C2CD4C: variants seen among roughly 807,000 people sequenced by gnomAD.
The protein encoded by C2CD4C is C2 calcium-dependent domain-containing protein 4C.
In C2CD4C, 3 loss-of-function variants were observed where a neutral mutation model predicts 4.1. The observed-to-expected ratio is 0.73, with a 90% confidence interval of 0.33 to 1.88. C2CD4C has a LOEUF of 1.88. Among genes scored for constraint, C2CD4C ranks in the 40% most tolerant of loss-of-function variants. C2CD4C has a pLI of 0.08. For missense variants in C2CD4C, 664 were observed against 621.5 expected (o/e 1.07, Z -0.73); for synonymous variants, 364 against 290.4 (o/e 1.25, Z -2.57).
Position 407,150 on chromosome 19 carries a change from G to C in C2CD4C, c.1212C>G (p.Asp404Glu). Residue 404 changes from aspartate (D) to glutamate (E), a missense_variant, in exon 2 of 2, where the codon GAC becomes GAG. Asp to Glu is a conservative substitution (Grantham distance 45). Coordinates refer to ENST00000332235, the MANE Select transcript of C2CD4C (RefSeq NM_001136263.2). ...GCAGCTCCTTCTCCCCGAGCAGCGT[G>C]TCCCGCTTGAGGCTGCTGCCCTTGT... ...VVNKGSSLKR[D>E]TLLGEKELPL... The C allele has an allele frequency of 6.5e-7, 1 of 1,550,196 alleles. No individual in the cohort carries two copies. The highest frequency in any genetic ancestry group is 8.7e-7 in the Non-Finnish European group (1 of 1,146,858).
chr19:407,066 A>T lies in C2CD4C; in HGVS notation c.*30T>A. 1 of 1,495,114 alleles carries T rather than the reference A, an allele frequency of 6.7e-7. No individual in the cohort carries two copies. The highest frequency in any genetic ancestry group is 2.6e-5 in the East Asian group (1 of 38,790). The allele number at this position is 1,495,114 out of a possible 1,614,324, so 92.6% of individuals were successfully genotyped here. On this transcript the variant is annotated 3_prime_UTR_variant, in exon 2 of 2. Transcript: ENST00000332235. Reference sequence around the variant, plus strand: ...GGAGAGACCGGGGTCTGCCCTCTGCACCCGAGCGGACAGCGAGCAGGTCCC... The same window carrying T: ...GGAGAGACCGGGGTCTGCCCTCTGCTCCCGAGCGGACAGCGAGCAGGTCCC...
intron 1 of C2CD4C, among the ~76,000 whole-genome samples, 170 bp downstream of exon 1, chr19:408,836 G>C (rs948982976): frequency 6.6e-6 from 1 of 152,086 alleles, no homozygotes. Flanking sequence ...CCCTGGACCG[G>C]AGGGCCAGGC....
In C2CD4C at chr19:406,985, T is replaced by G; in HGVS notation, c.*111A>C. On this transcript the variant is annotated 3_prime_UTR_variant, in exon 2 of 2. Coordinates refer to ENST00000332235, the MANE Select transcript of C2CD4C (RefSeq NM_001136263.2). Reference sequence around the variant, plus strand: ...CCAGCCCAGCCTGAGTGTGAGCCCCTCCCCGGCCAGCCCCAGCCCAAGCCA... The same window carrying G: ...CCAGCCCAGCCTGAGTGTGAGCCCCGCCCCGGCCAGCCCCAGCCCAAGCCA... The G allele has an allele frequency of 6.0e-4, 367 of 616,056 alleles. No individual in the cohort carries two copies. The highest frequency in any genetic ancestry group is 1.2e-3 in the East Asian group (32 of 26,024). 38.2% of individuals were successfully genotyped at this position (616,056 alleles called of 1,614,324 possible).
rs901857851 is a variant in C2CD4C, at chr19:407,374, C to T, written c.988G>A (p.Glu330Lys). ...ARLRVHLLAA[E>K]GLYDRLCDAR... Reference sequence around the variant, plus strand: ...TCGCACAGGCGGTCGTAGAGGCCCTCGGCGGCCAGCAGGTGCACCCGCAGG... The same window carrying T: ...TCGCACAGGCGGTCGTAGAGGCCCTTGGCGGCCAGCAGGTGCACCCGCAGG... The change falls in exon 2 of 2, where the codon GAG (glutamate) becomes AAG (lysine). Residue 330 changes from glutamate to lysine, a missense_variant. Coordinates refer to ENST00000332235, the MANE Select transcript of C2CD4C (RefSeq NM_001136263.2). 7 of 1,540,414 alleles carry T rather than the reference C, an allele frequency of 4.5e-6. No individual in the cohort carries two copies. The Admixed American group carries it at 9.8e-5, about 22-fold the overall frequency.
At position 406,992 on chromosome 19, in the gene C2CD4C, C is replaced by CCCCCCCCCCCCCCCCA; in HGVS notation, c.*103_*104insTGGGGGGGGGGGGGGG. On this transcript the variant is annotated 3_prime_UTR_variant, in exon 2 of 2. Transcript: ENST00000332235. ...AGCCTGAGTGTGAGCCCCTCCCCGG[C>CCCCCCCCCCCCCCCCA]CAGCCCCAGCCCAAGCCAGCGGACC... The CCCCCCCCCCCCCCCCA allele has an allele frequency of 1.2e-6, 1 of 830,840 alleles. No homozygotes were observed. The highest frequency in any genetic ancestry group is 3.2e-5 in the East Asian group (1 of 30,986). 51.5% of individuals were successfully genotyped at this position (830,840 alleles called of 1,614,324 possible).
chr19:407,086 G>A lies in C2CD4C; in HGVS notation c.*10C>T, dbSNP rs1568273798. 6 of 1,539,624 alleles carry A rather than the reference G, an allele frequency of 3.9e-6. No homozygotes were observed. Among genetic ancestry groups the A allele is most frequent in the South Asian group, 3.6e-5 (3 of 83,314 alleles). The stretch of plus-strand genomic sequence containing the variant: ...TCTGCACCCGAGCGGACAGCGAGCA[G>A]GTCCCCGCTCTACAGGAAGGGGAGC... On this transcript the variant is annotated 3_prime_UTR_variant, in exon 2 of 2. Coordinates refer to ENST00000332235, the MANE Select transcript of C2CD4C (RefSeq NM_001136263.2).
intron 1 of C2CD4C, among the ~76,000 whole-genome samples, chr19:408,716 C>G (rs1454612535): frequency 6.6e-6 from 1 of 152,174 alleles, no homozygotes; most frequent in Non-Finnish European, 1.5e-5. Flanking sequence ...AGCATCTCAG[C>G]GCTCATTCCA....
chr19:408,096 C>A lies in C2CD4C; in HGVS notation c.266G>T (p.Ser89Ile). ...ASAAPRQTPR[S>I]PRLPAKLAAE... ...TGCCAGCTTGGCAGGCAGCCGGGGGCTCCGTGGGGTCTGGCGGGGGGCCGC... is the reference window on the plus strand; with the variant it reads ...TGCCAGCTTGGCAGGCAGCCGGGGGATCCGTGGGGTCTGGCGGGGGGCCGC... Residue 89 changes from serine (S) to isoleucine (I), a missense_variant, in exon 2 of 2, where the codon AGC becomes ATC. By Grantham distance (142) the Ser-to-Ile change is moderately radical (BLOSUM62 -2). Transcript: ENST00000332235. The A allele has an allele frequency of 6.7e-7, 1 of 1,489,934 alleles. No homozygotes were observed. The highest frequency in any genetic ancestry group is 8.9e-7 in the Non-Finnish European group (1 of 1,122,488). 92.3% of individuals were successfully genotyped at this position (1,489,934 alleles called of 1,614,324 possible). A position where few individuals can be genotyped will look rare whatever the true frequency, so the allele number is the denominator to read the frequency against.
Position 408,061 on chromosome 19 carries a change from TGCTCTCG to T in C2CD4C, c.294_300del (p.Glu99ArgfsTer4). The T allele has an allele frequency of 6.6e-7, 1 of 1,518,102 alleles. No homozygotes were observed. Among genetic ancestry groups the T allele is most frequent in the Non-Finnish European group, 8.8e-7 (1 of 1,134,526 alleles). 94.0% of individuals were successfully genotyped at this position (1,518,102 alleles called of 1,614,324 possible). ...CGGGTGGCTGCCTTCAGCAGGCTCT[TGCTCTCG>T]GCTGCCAGCTTGGCAGGCAGCCGGG... is the stretch of plus-strand genomic sequence containing the variant. On this transcript the variant is annotated frameshift_variant, in exon 2 of 2. Coordinates refer to ENST00000332235, the MANE Select transcript of C2CD4C (RefSeq NM_001136263.2). LOFTEE classifies it low-confidence loss of function (END_TRUNC).
rs1391901266 is a variant in C2CD4C at position 407,023 on chromosome 19, G to A, written c.*73C>T. On this transcript the variant is annotated 3_prime_UTR_variant, in exon 2 of 2. Coordinates refer to ENST00000332235, the MANE Select transcript of C2CD4C (RefSeq NM_001136263.2). ...CCAGCCCAAGCCAGCGGACCCGCCC[G>A]CCAGCACCCGGTGTGGAGGAGAGAC... 38 of 763,256 alleles carry A rather than the reference G, an allele frequency of 5.0e-5. No homozygotes were observed. The highest frequency in any genetic ancestry group is 3.9e-4 in the East Asian group (8 of 20,274). The allele number at this position is 763,256 out of a possible 1,614,324, so 47.3% of individuals were successfully genotyped here. A position where few individuals can be genotyped will look rare whatever the true frequency, so the allele number is the denominator to read the frequency against.
rs918097202 is a variant in C2CD4C at position 406,056 on chromosome 19, C to T, written c.*1040G>A. 1 of 152,348 alleles carries T rather than the reference C, an allele frequency of 6.6e-6. No homozygotes were observed. The highest frequency in any genetic ancestry group is 1.5e-5 in the Non-Finnish European group (1 of 68,134). The allele number at this position is 152,348 out of a possible 1,614,324, so 9.4% of individuals were successfully genotyped here. ...AAAATCATTCAAGGACCCACATAAC[C>T]ACACAATGGAAGCCTTGCAGCCACC... On this transcript the variant is annotated 3_prime_UTR_variant, in exon 2 of 2. Coordinates refer to ENST00000332235, the MANE Select transcript of C2CD4C (RefSeq NM_001136263.2).
chr19:407,470 C>T lies in C2CD4C; in HGVS notation c.892G>A (p.Glu298Lys). ...CGAGGGCCCACGTGGACCGTGTGCTCCCCACGCGCCTGGCCCGACTCGGGG... is the reference window on the plus strand; with the variant it reads ...CGAGGGCCCACGTGGACCGTGTGCTTCCCACGCGCCTGGCCCGACTCGGGG... Reference protein sequence around the residue: ...PGPESGQARGEHTVHVGPRGS... With the variant: ...PGPESGQARGKHTVHVGPRGS... The change falls in exon 2 of 2, where the codon GAG (glutamate) becomes AAG (lysine). Residue 298 changes from glutamate (E) to lysine (K), a missense_variant. Transcript: ENST00000332235. 7.1e-7 allele frequency: 1 copy of T among 1,399,376 alleles called. No homozygotes were observed. The highest frequency in any genetic ancestry group is 2.9e-5 in the East Asian group (1 of 34,556). The allele number at this position is 1,399,376 out of a possible 1,614,324, so 86.7% of individuals were successfully genotyped here.
Position 405,483 on chromosome 19 carries a change from T to C in C2CD4C, c.*1613A>G, listed in dbSNP as rs1166292770. The stretch of plus-strand genomic sequence containing the variant: ...TTTATTGCACTATAAACAGCATTTA[T>C]AAACAAACACAGCTGGGGAGTGTCT... On this transcript the variant is annotated 3_prime_UTR_variant, in exon 2 of 2. Transcript: ENST00000332235. 1 of 152,144 alleles carries C rather than the reference T, an allele frequency of 6.6e-6. No individual in the cohort carries two copies. The highest frequency in any genetic ancestry group is 1.5e-5 in the Non-Finnish European group (1 of 68,018). 9.4% of individuals were successfully genotyped at this position (152,144 alleles called of 1,614,324 possible). A position where few individuals can be genotyped will look rare whatever the true frequency, so the allele number is the denominator to read the frequency against.
rs760819954 is a variant in C2CD4C, at chr19:408,069, G to A, written c.293C>T (p.Ala98Val). 2,531 of 1,512,144 alleles carry A rather than the reference G, an allele frequency of 1.7e-3. 2 individuals carry two copies. The highest frequency in any genetic ancestry group is 2.1e-3 in the Non-Finnish European group (2,417 of 1,132,252). The allele number at this position is 1,512,144 out of a possible 1,614,324, so 93.7% of individuals were successfully genotyped here. A position where few individuals can be genotyped will look rare whatever the true frequency, so the allele number is the denominator to read the frequency against. ...RSPRLPAKLA[A>V]ESKSLLKAAT... ...TGCCTTCAGCAGGCTCTTGCTCTCGGCTGCCAGCTTGGCAGGCAGCCGGGG... is the reference window on the plus strand; with the variant it reads ...TGCCTTCAGCAGGCTCTTGCTCTCGACTGCCAGCTTGGCAGGCAGCCGGGG... Residue 98 changes from alanine (A) to valine (V), a missense_variant, in exon 2 of 2, where the codon GCC becomes GTC. Transcript: ENST00000332235.
In C2CD4C at chr19:407,885, C is replaced by T. The variant is rs1568274406; in HGVS notation, c.477G>A (p.Thr159=). The T allele has an allele frequency of 1.9e-6, 3 of 1,549,220 alleles. No homozygotes were observed. Among genetic ancestry groups the T allele is most frequent in the East Asian group, 2.4e-5 (1 of 40,886 alleles). The change falls in exon 2 of 2, where the codon ACG becomes ACA. Residue 159 remains threonine, a synonymous_variant. Coordinates refer to ENST00000332235, the MANE Select transcript of C2CD4C (RefSeq NM_001136263.2). ...TGTGGAACAGAGACTCCTTGCGCCT[C>T]GTGTGGGGGCTCTCAGCCAGCATGG... ...GFAMLAESPH[T]RRKESLFHSE...
chr19:408,420 G>T lies in C2CD4C; in HGVS notation c.-40-19C>A. On this transcript the variant is annotated intron_variant, in intron 1 of 1. Transcript: ENST00000332235. ...GCAGCGTCTGGGAAGAGAAGCAGGG[G>T]TCAGGAGCAGTGGGGGGCGGCTGGC... is the stretch of plus-strand genomic sequence containing the variant. 2 of 1,480,924 alleles carry T rather than the reference G, an allele frequency of 1.4e-6. No homozygotes were observed. The highest frequency in any genetic ancestry group is 2.6e-5 in the East Asian group (1 of 37,982). The allele number at this position is 1,480,924 out of a possible 1,614,324, so 91.7% of individuals were successfully genotyped here.
chr19:407,041 GGA>G lies in C2CD4C; in HGVS notation c.*53_*54del. The G allele has an allele frequency of 6.9e-7, 1 of 1,458,020 alleles. No homozygotes were observed. Among genetic ancestry groups the G allele is most frequent in the Middle Eastern group, 2.1e-4 (1 of 4,794 alleles). 90.3% of individuals were successfully genotyped at this position (1,458,020 alleles called of 1,614,324 possible). On this transcript the variant is annotated 3_prime_UTR_variant, in exon 2 of 2. Coordinates refer to ENST00000332235, the MANE Select transcript of C2CD4C (RefSeq NM_001136263.2). ...CCCGCCCGCCAGCACCCGGTGTGGA[GGA>G]GAGACCGGGGTCTGCCCTCTGCACC...
In C2CD4C at chr19:407,483, G is replaced by T; in HGVS notation, c.879C>A (p.Gly293=). The T allele has an allele frequency of 7.2e-7, 1 of 1,383,622 alleles. No homozygotes were observed. Among genetic ancestry groups the T allele is most frequent in the Non-Finnish European group, 9.3e-7 (1 of 1,073,694 alleles). The allele number at this position is 1,383,622 out of a possible 1,614,324, so 85.7% of individuals were successfully genotyped here. A position where few individuals can be genotyped will look rare whatever the true frequency, so the allele number is the denominator to read the frequency against. ...RAPPEPGPES[G]QARGEHTVHV... ...GGACCGTGTGCTCCCCACGCGCCTGGCCCGACTCGGGGCCAGGTTCCGGGG... is the reference window on the plus strand; with the variant it reads ...GGACCGTGTGCTCCCCACGCGCCTGTCCCGACTCGGGGCCAGGTTCCGGGG... The change falls in exon 2 of 2, where the codon GGC becomes GGA. Residue 293 remains glycine, a synonymous_variant. Coordinates refer to ENST00000332235, the MANE Select transcript of C2CD4C (RefSeq NM_001136263.2).
chr19:407,394 C>G lies in C2CD4C; in HGVS notation c.968G>C (p.Arg323Pro). ...GCCCTCGGCGGCCAGCAGGTGCACC[C>G]GCAGGCGGGCCTGGCCGGCCTCGTA... ...AEYEAGQARL[R>P]VHLLAAEGLY... Residue 323 changes from arginine (R) to proline (P), a missense_variant, in exon 2 of 2, where the codon CGG becomes CCG. Arg to Pro is a moderately radical substitution (Grantham distance 103, BLOSUM62 -2). Coordinates refer to ENST00000332235, the MANE Select transcript of C2CD4C (RefSeq NM_001136263.2). The G allele has an allele frequency of 6.5e-7, 1 of 1,536,610 alleles. No homozygotes were observed. Among genetic ancestry groups the G allele is most frequent in the Non-Finnish European group, 8.7e-7 (1 of 1,145,002 alleles).
Sources: gnomAD v4.1 joint callset for allele counts (sites outside exome capture counted in the v4.1 genomes callset) on GRCh38, gnomAD v4.1.1 for gene constraint, MANE v1.5 for transcripts, NCBI Gene and HGNC (gene_info 2026-07-23, HGNC 2026-07-21) for gene names.